MGA: variants seen among roughly 807,000 people sequenced by gnomAD.
MGA encodes MAX gene-associated protein.
Under a neutral mutation model 261.1 loss-of-function variants are expected in MGA, and 40 were observed. The ratio of observed to expected loss-of-function variants is 0.15; its 90% CI spans 0.12 to 0.20. The LOEUF is 0.20. MGA is among the 10% of genes least tolerant of loss of function. The pLI is 1.00. For synonymous variants in MGA, 1,302 were observed against 1,290.6 expected, an observed-to-expected ratio of 1.01 and a Z score of -0.19; for missense variants, 3,397 against 3,630.5, an observed-to-expected ratio of 0.94 and a Z score of 1.65.
chr15:41,653,715 A>G (rs2057112749), intron 1 of MGA, among the ~76,000 whole-genome samples: 1 of 145,326 alleles, frequency 6.9e-6, no homozygotes, highest in African/African-American at 2.5e-5. Flanking sequence ...CCATCTCTTA[A>G]AAAAAAAAAA....
At chr15:41,708,630 T>G (rs930773460) in intron 7 of MGA, among the ~76,000 whole-genome samples, 1 of 152,196 alleles carries the variant, frequency 6.6e-6, no homozygotes, top group Non-Finnish European at 1.5e-5. Flanking sequence ...TTCCATGGTT[T>G]AAAATGAACT....
rs770635880 is a variant in MGA, at chr15:41,762,381, G to A, written c.7744+19G>A. 23 of 1,590,616 alleles carry A rather than the reference G, an allele frequency of 1.4e-5. 1 individual carries two copies. The highest frequency in any genetic ancestry group is 5.6e-5 in the South Asian group (5 of 90,058). ...GCCACAGGTAGGAGGGACATTCTTC[G>A]CTTTCCTTAATGTAGATATACATCA... On this transcript the variant is annotated intron_variant, in intron 22 of 23. Coordinates refer to ENST00000219905, the MANE Select transcript of MGA (RefSeq NM_001164273.2).
chr15:41,706,935 T>C (rs2060148850), intron 5 of MGA, among the ~76,000 whole-genome samples: 2 of 152,172 alleles, frequency 1.3e-5, no homozygotes, highest in South Asian at 2.1e-4. Context: ...TTAAGTTAAA[T>C]ACCTTCCCAA....
At chr15:41,641,599 C>T (rs193110313) in intron 1 of MGA, among the ~76,000 whole-genome samples, 2 of 151,054 alleles carry the variant, frequency 1.3e-5, no homozygotes, top group East Asian at 1.9e-4. Flanking sequence ...AAGCAATTCT[C>T]CTGCCTCAGC....
chr15:41,674,270 C>G (rs2058249853), intron 2 of MGA, among the ~76,000 whole-genome samples: 1 of 151,958 alleles, frequency 6.6e-6, no homozygotes, highest in African/African-American at 2.4e-5. Flanking sequence ...GATCTTGGCT[C>G]ACTGCACTTC....
rs767272304 is a variant in MGA, at chr15:41,762,203, A to G, written c.7585A>G (p.Arg2529Gly). 3.1e-6 allele frequency: 5 copies of G among 1,613,974 alleles called. No individual in the cohort carries two copies. The Admixed American group carries it at 5.0e-5, about 16-fold the overall frequency. Reference sequence around the variant, plus strand: ...ACAGCAAGCACTAGAGGCACAAAAAAGAAAAAAGAAGATGGGATCAGATGA... The same window carrying G: ...ACAGCAAGCACTAGAGGCACAAAAAGGAAAAAAGAAGATGGGATCAGATGA... The change falls in exon 22 of 24, where the codon AGA becomes GGA. Residue 2529 changes from arginine (R) to glycine (G), a missense_variant. Around this residue, in one of 9 missense-constraint regions of MGA, gnomAD observed 647 missense variants for 642.4 expected, o/e 1.01. Transcript: ENST00000219905.
chr15:41,632,439 G>GCA (rs1424822347), intron 1 of MGA, among the ~76,000 whole-genome samples: 1 of 152,144 alleles, frequency 6.6e-6, no homozygotes, highest in East Asian at 1.9e-4. Context: ...TCCTCCCCCA[G>GCA]CAGAACCAAG....
chr15:41,751,396 T>G (rs1232967226), intron 17 of MGA: 1 of 152,020 alleles, frequency 6.6e-6, no homozygotes, highest in African/African-American at 2.4e-5. Flanking sequence ...TTGACTGCTG[T>G]TGTAGTATAA....
In MGA at chr15:41,749,223, GTCT is replaced by G. The variant is rs775361103; in HGVS notation, c.5622_5624del (p.Ser1875del). 72 of 1,613,836 alleles carry G rather than the reference GTCT, an allele frequency of 4.5e-5. No individual in the cohort carries two copies. The highest frequency in any genetic ancestry group is 5.8e-5 in the Non-Finnish European group (69 of 1,179,906). On this transcript the variant is annotated inframe_deletion, in exon 17 of 24. Transcript: ENST00000219905. ...TGAATCCTGTAATTCAAGCTGTTGG[GTCT>G]TCTTCAGCAGTGAATGTTATCACTC...
At chr15:41,670,764 C>T (rs915174433) in intron 2 of MGA, among the ~76,000 whole-genome samples, 16 of 152,312 alleles carry the variant, frequency 1.1e-4, no homozygotes, top group African/African-American at 3.8e-4. Context: ...CCTCGGCCTC[C>T]CAAGGTGCTG....
intron 2 of MGA, among the ~76,000 whole-genome samples, chr15:41,672,173 G>A (rs370212416): frequency 2.6e-5 from 4 of 152,124 alleles, no homozygotes; most frequent in Non-Finnish European, 4.4e-5. Context: ...TTTGTTTTTC[G>A]AGATAGTGTA....
intron 2 of MGA, among the ~76,000 whole-genome samples, chr15:41,688,039 G>C (rs1364612086): frequency 6.6e-6 from 1 of 152,012 alleles, no homozygotes; most frequent in Admixed American, 6.6e-5. Flanking sequence ...TTGGTTAATT[G>C]AACTCAAAAT....
At position 41,711,271 on chromosome 15, in the gene MGA, A is replaced by G. The variant is rs746603775; in HGVS notation, c.3006A>G (p.Ala1002=). ...AGCTAATGGACCTGGAAGACTGTGC[A>G]CTTTGGGAAGGAAAACCAAGGACAT... Residue 1002 remains alanine, a synonymous_variant, in exon 8 of 24, where the codon GCA becomes GCG. Transcript: ENST00000219905. The G allele has an allele frequency of 6.2e-7, 1 of 1,613,990 alleles. No individual in the cohort carries two copies. Among genetic ancestry groups the G allele is most frequent in the Non-Finnish European group, 8.5e-7 (1 of 1,179,880 alleles).
At chr15:41,641,299 T>C (rs2056814563) in intron 1 of MGA, among the ~76,000 whole-genome samples, 1 of 152,212 alleles carries the variant, frequency 6.6e-6, no homozygotes, top group South Asian at 2.1e-4. Context: ...TGACCATTAA[T>C]GGACTTTTTT....
chr15:41,623,794 G>C (rs2056373451), intron 1 of MGA, among the ~76,000 whole-genome samples: 2 of 141,610 alleles, frequency 1.4e-5, no homozygotes, highest in Non-Finnish European at 3.1e-5. Flanking sequence ...TTTTTTTTGA[G>C]AGGGAGTTTC....
At position 41,760,389 on chromosome 15, in the gene MGA, G is replaced by A. The variant is rs756857079; in HGVS notation, c.7258G>A (p.Ala2420Thr). The A allele has an allele frequency of 1.9e-6, 3 of 1,614,042 alleles. No individual in the cohort carries two copies. The highest frequency in any genetic ancestry group is 2.5e-6 in the Non-Finnish European group (3 of 1,179,908). Residue 2420 changes from alanine to threonine, a missense_variant, in exon 20 of 24, where the codon GCG becomes ACG. Transcript: ENST00000219905. ...TGACAAACTACAGAAAGAAGCAGAA[G>A]CGTTTGCTTATTATCGCCGGACACA...
chr15:41,683,842 A>G (rs933722710), intron 2 of MGA, among the ~76,000 whole-genome samples: 1 of 151,906 alleles, frequency 6.6e-6, no homozygotes, highest in Non-Finnish European at 1.5e-5. Context: ...TGACCTCACA[A>G]ACTGCTGGGA....
At chr15:41,694,771 C>CAA (rs2059467861) in intron 2 of MGA, among the ~76,000 whole-genome samples, 1 of 152,108 alleles carries the variant, frequency 6.6e-6, no homozygotes, top group Non-Finnish European at 1.5e-5. Context: ...CTCGGCCTCC[C>CAA]AAAGCACTGG....
chr15:41,722,771 A>C (rs2061021755), intron 9 of MGA, among the ~76,000 whole-genome samples: 1 of 152,198 alleles, frequency 6.6e-6, no homozygotes, highest in African/African-American at 2.4e-5. Context: ...TAGGTCTTCT[A>C]AGTGTAATGC....
Sources: gnomAD v4.1 joint callset for allele counts (sites outside exome capture counted in the v4.1 genomes callset) on GRCh38, gnomAD v4.1.1 for gene constraint, gnomAD v4.1.1 regional missense constraint, MANE v1.5 for transcripts, NCBI Gene and HGNC (gene_info 2026-07-23, HGNC 2026-07-21) for gene names.